Variants in NR2C2 observed in about 807,000 individuals in gnomAD.
The protein encoded by NR2C2 is Nuclear hormone receptor TR4.
A neutral mutation model predicts 62.9 loss-of-function variants in NR2C2; 6 were observed. The ratio of observed to expected loss-of-function variants is 0.10; its 90% CI spans 0.05 to 0.19. The LOEUF (loss-of-function observed/expected upper bound fraction) is 0.19. Among genes scored for constraint, NR2C2 ranks in the 10% least tolerant of loss-of-function variants. NR2C2 has a pLI of 1.00. For synonymous variants in NR2C2, 272 were observed against 273.8 expected (o/e 0.99, Z 0.07); for missense variants, 479 against 762.7 (o/e 0.63, Z 4.38).
intron 11 of NR2C2, 90 bp from the exon 12 acceptor site, chr3:15,037,910 G>A (rs2042148622): frequency 1.5e-6 from 2 of 1,292,856 alleles, no homozygotes; most frequent in Admixed American, 2.4e-5. Context: ...AAGTGAAATG[G>A]TCCCATTTCT....
intron 1 of NR2C2, among the ~76,000 whole-genome samples, chr3:14,956,634 C>T (rs1469755907): frequency 6.6e-6 from 1 of 152,182 alleles, no homozygotes; most frequent in African/African-American, 2.4e-5. Flanking sequence ...ACCTCTGCCT[C>T]CTAGGTTCAA....
chr3:15,027,901 C>CT (rs569171460), intron 7 of NR2C2, among the ~76,000 whole-genome samples: 5 of 151,384 alleles, frequency 3.3e-5, no homozygotes, highest in Non-Finnish European at 7.4e-5. Context: ...GAATCTTACT[C>CT]TGTCACCCAG....
chr3:14,999,911 A>G (rs1486559602), intron 1 of NR2C2, among the ~76,000 whole-genome samples: 1 of 152,124 alleles, frequency 6.6e-6, no homozygotes, highest in Non-Finnish European at 1.5e-5. Flanking sequence ...AATTGAGTTT[A>G]TATTGCATAT....
chr3:14,966,251 G>A (rs1467431760), intron 1 of NR2C2, among the ~76,000 whole-genome samples: 1 of 152,186 alleles, frequency 6.6e-6, no homozygotes, highest in Non-Finnish European at 1.5e-5. Flanking sequence ...ATATGCTGGT[G>A]GATAATAGGA....
Position 15,020,807 on chromosome 3 carries a change from G to GT in NR2C2, c.432dup (p.Val145CysfsTer19). On this transcript the variant is annotated frameshift_variant, in exon 5 of 14. Transcript: ENST00000425241. LOFTEE classifies it high-confidence loss of function. The stretch of plus-strand genomic sequence containing the variant: ...GGTTGCAAAGGTTTCTTCAAAAGGA[G>GT]TGTGAGGAAAAATTTGACCTACAGC... 1.2e-6 allele frequency: 2 copies of GT among 1,614,222 alleles called. No homozygotes were observed. Among genetic ancestry groups the GT allele is most frequent in the Non-Finnish European group, 1.7e-6 (2 of 1,180,040 alleles).
chr3:14,987,115 C>T (rs368805942), intron 1 of NR2C2, among the ~76,000 whole-genome samples: 2 of 152,174 alleles, frequency 1.3e-5, no homozygotes, highest in African/African-American at 2.4e-5. Flanking sequence ...CAGATTCTCA[C>T]TCTGCCACCC....
intron 1 of NR2C2, among the ~76,000 whole-genome samples, chr3:14,954,822 T>G (rs1000132741): frequency 1.3e-5 from 2 of 152,074 alleles, no homozygotes; most frequent in African/African-American, 4.8e-5. Context: ...ACTGTTCATT[T>G]ACGATTTGTG....
rs371981775 is a variant in NR2C2, at chr3:15,002,645, CTTTTTTTTTTTTT to C, written c.-39-1213_-39-1201del. Among the ~76,000 whole-genome samples, 143 of 39,516 alleles carry C rather than the reference CTTTTTTTTTTTTT, an allele frequency of 3.6e-3. 1 individual carries two copies. The highest frequency in any genetic ancestry group is 5.3e-3 in the Non-Finnish European group (113 of 21,404). The allele number at this position is 39,516 out of a possible 152,430, so 25.9% of individuals were successfully genotyped here. The stretch of plus-strand genomic sequence containing the variant: ...TTTTTTGTGAAGTGTTCACAATATA[CTTTTTTTTTTTTT>C]TTTTTTTTTTTTTTTTTGAGACAAA... On this transcript the variant is annotated intron_variant, in intron 1 of 13. Transcript: ENST00000425241.
At chr3:14,984,957 T>A (rs1419916247) in intron 1 of NR2C2, among the ~76,000 whole-genome samples, 1 of 152,180 alleles carries the variant, frequency 6.6e-6, no homozygotes, top group Non-Finnish European at 1.5e-5. Context: ...ATTGTCAGTC[T>A]TTTTACTCTT....
intron 7 of NR2C2, among the ~76,000 whole-genome samples, chr3:15,027,873 CTT>C (rs796629639): frequency 6.8e-6 from 1 of 146,266 alleles, no homozygotes; most frequent in Admixed American, 6.8e-5. Context: ...GCTCTTTTTC[CTT>C]TTTTTTTTTG....
At chr3:15,041,816 C>G (rs2042275816) in intron 13 of NR2C2, among the ~76,000 whole-genome samples, 1 of 152,160 alleles carries the variant, frequency 6.6e-6, no homozygotes, top group Non-Finnish European at 1.5e-5. Context: ...GTGATCACAT[C>G]ACTCCACTGC....
At chr3:15,038,365 T>C in intron 12 of NR2C2, 1 of 408,188 alleles carries the variant, frequency 2.4e-6, no homozygotes, top group South Asian at 4.7e-5. Context: ...ACGCACTGAA[T>C]AGATTTAATC....
At chr3:14,952,480 G>A (rs1574916163) in intron 1 of NR2C2, among the ~76,000 whole-genome samples, 1 of 152,142 alleles carries the variant, frequency 6.6e-6, no homozygotes, top group South Asian at 2.1e-4. Flanking sequence ...GGGGGAGTCC[G>A]TGAAGGAATC....
At chr3:14,947,944 GGCGGAGGGGGCGGGCCTGGCGC>G (rs1187684766) in intron 1 of NR2C2, 38 bp downstream of exon 1, 4 of 151,286 alleles carry the variant, frequency 2.6e-5, no homozygotes, top group Non-Finnish European at 5.9e-5. Context: ...TCGGGCCGGC[GGCGGAGGGGGCGGGCCTGGCGC>G]GCGGACATGG....
At chr3:14,967,237 T>C (rs759005369) in intron 1 of NR2C2, among the ~76,000 whole-genome samples, 3 of 152,022 alleles carry the variant, frequency 2.0e-5, no homozygotes, top group Non-Finnish European at 4.4e-5. Flanking sequence ...GTAATTTGAG[T>C]CTGCCCTCTT....
At chr3:14,983,774 T>A (rs1365918948) in intron 1 of NR2C2, among the ~76,000 whole-genome samples, 1 of 152,222 alleles carries the variant, frequency 6.6e-6, no homozygotes, top group Non-Finnish European at 1.5e-5. Context: ...TAGTTGTGAT[T>A]GACTCAGTTT....
At chr3:14,976,079 T>C (rs1169914007) in intron 1 of NR2C2, among the ~76,000 whole-genome samples, 1 of 152,140 alleles carries the variant, frequency 6.6e-6, no homozygotes, top group Non-Finnish European at 1.5e-5. Flanking sequence ...CAGTCCAGAT[T>C]TTCTGTTCCT....
chr3:14,997,817 T>C (rs1186687858), intron 1 of NR2C2, among the ~76,000 whole-genome samples: 1 of 152,222 alleles, frequency 6.6e-6, no homozygotes, highest in Non-Finnish European at 1.5e-5. Flanking sequence ...ATAAAATTCA[T>C]TTTTTAAAAA....
intron 2 of NR2C2, among the ~76,000 whole-genome samples, chr3:15,008,241 G>T: frequency 1.3e-5 from 2 of 151,064 alleles, no homozygotes. Flanking sequence ...TAAATTAGGG[G>T]GCTGAGTGCA....
Sources: gnomAD v4.1 joint callset for allele counts (sites outside exome capture counted in the v4.1 genomes callset) on GRCh38, gnomAD v4.1.1 for gene constraint, MANE v1.5 for transcripts, NCBI Gene and HGNC (gene_info 2026-07-23, HGNC 2026-07-21) for gene names.